ASXL1: variants seen among roughly 807,000 people sequenced by gnomAD.
The protein encoded by ASXL1 is polycomb group protein ASXL1.
In ASXL1, 65 loss-of-function variants were observed where a neutral mutation model predicts 89.1. That is an observed-to-expected ratio of 0.73 (90% CI 0.60 to 0.90). The LOEUF (loss-of-function observed/expected upper bound fraction) is 0.90. ASXL1 is among the 40% of genes least tolerant of loss of function. The pLI is 0.00. For missense variants in ASXL1, 1,786 were observed against 1,942.9 expected, an observed-to-expected ratio of 0.92 and a Z score of 1.52; for synonymous variants, 739 against 746.9, an observed-to-expected ratio of 0.99 and a Z score of 0.17.
rs1270407759 is a variant in ASXL1, at chr20:32,434,724, C to G, written c.2012C>G (p.Ala671Gly). 3 of 1,611,436 alleles carry G rather than the reference C, an allele frequency of 1.9e-6. No homozygotes were observed. The highest frequency in any genetic ancestry group is 2.5e-6 in the Non-Finnish European group (3 of 1,179,238). The change falls in exon 13 of 13, where the codon GCC becomes GGC. Residue 671 changes from alanine (A) to glycine (G), a missense_variant. Coordinates refer to ENST00000375687, the MANE Select transcript of ASXL1 (RefSeq NM_015338.6). ...AGCAGCAGTGGTGATGGTGGTGAGG[C>G]CTGTGGCCACCCTGAGCCCAGGGGA... ...RGSSSGDGGE[A>G]CGHPEPRGGP...
At chr20:32,431,290 T>C in intron 8 of ASXL1, 31 bp from the exon 9 acceptor site, 1 of 1,614,186 alleles carries the variant, frequency 6.2e-7, no homozygotes, top group Non-Finnish European at 8.5e-7. Flanking sequence ...TTTAAAAAGC[T>C]GAAATCTATA....
At position 32,431,609 on chromosome 20, in the gene ASXL1, C is replaced by T. The variant is rs997460146; in HGVS notation, c.909C>T (p.Leu303=). 3 of 1,614,038 alleles carry T rather than the reference C, an allele frequency of 1.9e-6. No individual in the cohort carries two copies. The highest frequency in any genetic ancestry group is 2.7e-5 in the African/African-American group (2 of 74,918). ...TGGGGACGGATGGCCTGTTGCGTCT[C>T]AGCAGCAGTGCACTAAATAACGAGT... The part of the protein sequence containing the change: ...RQVGTDGLLR[L]SSSALNNEFF... Residue 303 remains leucine, a synonymous_variant, in exon 10 of 13, where the codon CTC becomes CTT. Coordinates refer to ENST00000375687, the MANE Select transcript of ASXL1 (RefSeq NM_015338.6).
intron 4 of ASXL1, among the ~76,000 whole-genome samples, chr20:32,373,760 G>A (rs1391841744): frequency 6.6e-6 from 1 of 151,708 alleles, no homozygotes; most frequent in Admixed American, 6.6e-5. Flanking sequence ...CCAGGTACTT[G>A]GGGAGGCTGA....
At chr20:32,432,741 A>ATAGGACAGAT in intron 10 of ASXL1, 139 bp from the exon 11 acceptor site, 1 of 1,053,362 alleles carries the variant, frequency 9.5e-7, no homozygotes, top group Non-Finnish European at 1.4e-6. Flanking sequence ...TAGATGTGTT[A>ATAGGACAGAT]GCTCTGTCCC....
chr20:32,361,017 G>A (rs184131552), intron 1 of ASXL1, among the ~76,000 whole-genome samples: 29 of 152,210 alleles, frequency 1.9e-4, no homozygotes, highest in African/African-American at 6.7e-4. Context: ...AAAGTGCTGG[G>A]ATTACAGGCG....
rs755633691 is a variant in ASXL1, at chr20:32,437,012, C to T, written c.4300C>T (p.Leu1434Phe). The change falls in exon 13 of 13, where the codon CTC becomes TTC. Residue 1434 changes from leucine to phenylalanine, a missense_variant. Transcript: ENST00000375687. ...PLEPSSLPSQ[L>F]SIKQAFYGKL... is the part of the protein sequence containing the mutation. ...GGAGCCTTCTTCTCTCCCCTCCCAACTCAGCATCAAGCAGGCATTTTATGG... is the reference window on the plus strand; with the variant it reads ...GGAGCCTTCTTCTCTCCCCTCCCAATTCAGCATCAAGCAGGCATTTTATGG... 6.2e-7 allele frequency: 1 copy of T among 1,614,144 alleles called. No individual in the cohort carries two copies. The highest frequency in any genetic ancestry group is 8.5e-7 in the Non-Finnish European group (1 of 1,180,036).
chr20:32,361,022 C>A (rs757191319), intron 1 of ASXL1, among the ~76,000 whole-genome samples: 1 of 152,044 alleles, frequency 6.6e-6, no homozygotes, highest in South Asian at 2.1e-4. Flanking sequence ...GCTGGGATTA[C>A]AGGCGTGAGC....
intron 4 of ASXL1, among the ~76,000 whole-genome samples, chr20:32,410,418 G>A (rs1419055664): frequency 6.6e-6 from 1 of 152,126 alleles, no homozygotes. Context: ...TGGGACTACA[G>A]GTGTGAGCCA....
intron 4 of ASXL1, among the ~76,000 whole-genome samples, chr20:32,400,801 T>A (rs1181992404): frequency 6.6e-6 from 1 of 152,240 alleles, no homozygotes; most frequent in African/African-American, 2.4e-5. Flanking sequence ...CCCAGGAAAC[T>A]CTCTTCAGGC....
chr20:32,433,529 C>T lies in ASXL1; in HGVS notation c.1331C>T (p.Ser444Leu), dbSNP rs373126831. ...GCTAAGGATGCAAAATCTGTGGCCT[C>T]AGATGTTCCCCTCTACAAGGATGGG... ...GVAKDAKSVA[S>L]DVPLYKDGEA... Residue 444 changes from serine to leucine, a missense_variant, in exon 12 of 13, where the codon TCA (serine) becomes TTA (leucine). Coordinates refer to ENST00000375687, the MANE Select transcript of ASXL1 (RefSeq NM_015338.6). 3.8e-5 allele frequency: 62 copies of T among 1,614,090 alleles called. No individual in the cohort carries two copies. The Admixed American group carries it at 1.0e-3, about 27-fold the overall frequency.
At chr20:32,381,395 T>C (rs2048482809) in intron 4 of ASXL1, among the ~76,000 whole-genome samples, 2 of 151,542 alleles carry the variant, frequency 1.3e-5, no homozygotes, top group South Asian at 4.2e-4. Flanking sequence ...AGAGAAGAGG[T>C]CTTACTGTGT....
At chr20:32,426,684 C>T (rs375344493) in intron 4 of ASXL1, among the ~76,000 whole-genome samples, 214 of 151,028 alleles carry the variant, frequency 1.4e-3, no homozygotes, top group African/African-American at 4.9e-3. Flanking sequence ...CTTAGCCTCC[C>T]GAGTAGCTGG....
chr20:32,392,915 A>C lies in ASXL1; in HGVS notation c.252+23792A>C, dbSNP rs556526827. ...AATAAGGTGTCTTGATAAAGGTTCC[A>C]CGGGCACTTGAAAAGAATGTGTATT... On this transcript the variant is annotated intron_variant, in intron 4 of 12. Transcript: ENST00000375687. Among the ~76,000 whole-genome samples the C allele has an allele frequency of 2.6e-5, 4 of 152,292 alleles. No homozygotes were observed. The East Asian group carries it at 7.7e-4, about 29-fold the overall frequency.
chr20:32,408,880 A>G (rs2048999731), intron 4 of ASXL1, among the ~76,000 whole-genome samples: 1 of 152,056 alleles, frequency 6.6e-6, no homozygotes. Flanking sequence ...AGTTATTATC[A>G]TCTTTAATTT....
Position 32,436,118 on chromosome 20 carries a change from G to A in ASXL1, c.3406G>A (p.Val1136Ile), listed in dbSNP as rs766691864. The A allele has an allele frequency of 5.6e-6, 9 of 1,614,166 alleles. No homozygotes were observed. The highest frequency in any genetic ancestry group is 6.8e-6 in the Non-Finnish European group (8 of 1,180,038). ...HDDSMSESPQ[V>I]PLTKDQSHGS... ...TGACAGCATGTCAGAATCCCCACAA[G>A]TACCACTTACAAAAGACCAGAGCCA... The change falls in exon 13 of 13, where the codon GTA becomes ATA. Residue 1136 changes from valine (V) to isoleucine (I), a missense_variant. Around this residue, in one of 3 missense-constraint regions of ASXL1, gnomAD observed 1,418 missense variants for 1,427.8 expected, o/e 0.99. Transcript: ENST00000375687.
rs41289850 is a variant in ASXL1, at chr20:32,435,048, C to T, written c.2336C>T (p.Pro779Leu). Residue 779 changes from proline to leucine, a missense_variant, in exon 13 of 13, where the codon CCT becomes CTT. Pro to Leu is a moderately conservative substitution (Grantham distance 98, BLOSUM62 -3). Coordinates refer to ENST00000375687, the MANE Select transcript of ASXL1 (RefSeq NM_015338.6). ...GTAGCTGAGAGATTAGTGGAGCAGC[C>T]TCAGTTGCATCCGGATGTTAGAACT... ...TSVAERLVEQ[P>L]QLHPDVRTEC... 4.8e-4 allele frequency: 774 copies of T among 1,614,168 alleles called. 1 individual carries two copies. Among genetic ancestry groups the T allele is most frequent in the Non-Finnish European group, 6.1e-4 (723 of 1,180,040 alleles).
At chr20:32,431,536 C>A in intron 9 of ASXL1, 47 bp from the exon 10 acceptor site, 1 of 1,614,070 alleles carries the variant, frequency 6.2e-7, no homozygotes, top group African/African-American at 1.3e-5. Context: ...CTTCTGTTCT[C>A]TTTTAAGTTT....
At chr20:32,424,529 T>G (rs2011218923) in intron 4 of ASXL1, among the ~76,000 whole-genome samples, 2 of 152,068 alleles carry the variant, frequency 1.3e-5, no homozygotes, top group African/African-American at 2.4e-5. Flanking sequence ...AGCGAGACTC[T>G]TGTCTCAAAA....
chr20:32,376,955 G>A (rs2048390980), intron 4 of ASXL1, among the ~76,000 whole-genome samples: 1 of 141,022 alleles, frequency 7.1e-6, no homozygotes, highest in African/African-American at 2.6e-5. Flanking sequence ...ATATAATTCT[G>A]GCCAGGCACG....
Sources: gnomAD v4.1 joint callset for allele counts (sites outside exome capture counted in the v4.1 genomes callset) on GRCh38, gnomAD v4.1.1 for gene constraint, gnomAD v4.1.1 regional missense constraint, MANE v1.5 for transcripts, NCBI Gene and HGNC (gene_info 2026-07-23, HGNC 2026-07-21) for gene names.